AGBL1: variants seen among roughly 807,000 people sequenced by gnomAD.
AGBL1 encodes cytosolic carboxypeptidase 4.
In AGBL1, 130 loss-of-function variants were observed where a neutral mutation model predicts 118.9. The ratio of observed to expected loss-of-function variants is 1.09; its 90% CI spans 0.95 to 1.26. AGBL1 has a LOEUF of 1.26. Ranked by LOEUF, AGBL1 falls within the 50% of genes most tolerant of loss-of-function variation. AGBL1 has a pLI of 0.00. For missense variants in AGBL1, 1,584 were observed against 1,298.1 expected (o/e 1.22, Z -3.38); for synonymous variants, 555 against 478.9 (o/e 1.16, Z -2.08).
intron 17 of AGBL1, among the ~76,000 whole-genome samples, chr15:86,368,036 C>T (rs1452076837): frequency 6.6e-6 from 1 of 152,028 alleles, no homozygotes; most frequent in Admixed American, 6.6e-5. Flanking sequence ...GGTTCCCCTC[C>T]CACAAAGAAA....
intron 18 of AGBL1, among the ~76,000 whole-genome samples, chr15:86,454,074 A>G (rs1321559823): frequency 6.6e-6 from 1 of 152,006 alleles, no homozygotes; most frequent in African/African-American, 2.4e-5. Flanking sequence ...CTACGTATGG[A>G]AGACTTTGCC....
chr15:86,610,060 C>G (rs1463080102), intron 21 of AGBL1, among the ~76,000 whole-genome samples: 4 of 152,166 alleles, frequency 2.6e-5, no homozygotes, highest in Non-Finnish European at 5.9e-5. Flanking sequence ...AATGGAACAT[C>G]AAACTTTTAA....
chr15:86,839,640 A>G (rs970167088), intron 22 of AGBL1, among the ~76,000 whole-genome samples: 4 of 152,104 alleles, frequency 2.6e-5, no homozygotes, highest in African/African-American at 9.7e-5. Context: ...CTCCCCACCC[A>G]CCATCCCTTA....
At chr15:86,090,501 A>C (rs1895950976) in intron 1 of AGBL1, among the ~76,000 whole-genome samples, 1 of 152,118 alleles carries the variant, frequency 6.6e-6, no homozygotes, top group East Asian at 1.9e-4. Context: ...ACTGCTATTC[A>C]ATTTGCTTTT....
chr15:86,564,253 T>C (rs1277216577), intron 21 of AGBL1, among the ~76,000 whole-genome samples: 1 of 152,228 alleles, frequency 6.6e-6, no homozygotes, highest in African/African-American at 2.4e-5. Flanking sequence ...TGGCACGTTT[T>C]TGCAGTGGCT....
rs568957500 is a variant in AGBL1, at chr15:86,821,552, G to A, written c.3159-85535G>A. On this transcript the variant is annotated intron_variant, in intron 22 of 22. Coordinates refer to ENST00000614907, the MANE Select transcript of AGBL1 (RefSeq NM_001386094.1). ...AAAAAATATAATTGTTGAAAATAAA[G>A]CATTCATGATGACTCATTTGTGTAA... Among the ~76,000 whole-genome samples, 23 of 152,182 alleles carry A rather than the reference G, an allele frequency of 1.5e-4. No individual in the cohort carries two copies. The South Asian group carries it at 4.8e-3, about 32-fold the overall frequency.
intron 22 of AGBL1, among the ~76,000 whole-genome samples, chr15:86,889,194 C>G (rs1023642321): frequency 6.6e-6 from 1 of 151,848 alleles, no homozygotes; most frequent in Non-Finnish European, 1.5e-5. Flanking sequence ...CATTTTATCT[C>G]TGTTGTTTTG....
chr15:86,312,602 C>G (rs1321680630), intron 17 of AGBL1, among the ~76,000 whole-genome samples: 1 of 152,176 alleles, frequency 6.6e-6, no homozygotes, highest in Admixed American at 6.5e-5. Flanking sequence ...ATTGGTGTTA[C>G]CCCAGTGTCC....
At chr15:86,992,531 TG>T (rs947507728) in intron 24 of AGBL1, among the ~76,000 whole-genome samples, 4 of 152,136 alleles carry the variant, frequency 2.6e-5, no homozygotes, top group African/African-American at 9.7e-5. Flanking sequence ...AGCTATTTGC[TG>T]GAACCAGAAT....
intron 17 of AGBL1, among the ~76,000 whole-genome samples, chr15:86,370,305 T>A (rs2080953355): frequency 6.6e-6 from 1 of 150,544 alleles, no homozygotes; most frequent in South Asian, 2.1e-4. Context: ...CTATTCCTTT[T>A]TTTTTTTTTT....
chr15:86,084,206 G>C (rs752761307), intron 1 of AGBL1, among the ~76,000 whole-genome samples: 39 of 152,370 alleles, frequency 2.6e-4, no homozygotes, highest in Non-Finnish European at 5.6e-4. Flanking sequence ...CCTGGGTAGA[G>C]AAGGGATGAT....
intron 21 of AGBL1, among the ~76,000 whole-genome samples, chr15:86,633,889 T>C (rs796500194): frequency 2.3e-5 from 1 of 44,176 alleles, no homozygotes; most frequent in African/African-American, 5.0e-5. Context: ...TATATATATA[T>C]ATATAATGTA....
At chr15:87,030,850 C>T (rs762896427), downstream of AGBL1, among the ~76,000 whole-genome samples, 5 of 151,868 alleles carry the variant, frequency 3.3e-5, no homozygotes, top group African/African-American at 9.7e-5. Flanking sequence ...TTACTCTACT[C>T]GCACCAAGCC....
At chr15:86,708,643 G>A (rs1448282279) in intron 22 of AGBL1, among the ~76,000 whole-genome samples, 1 of 152,038 alleles carries the variant, frequency 6.6e-6, no homozygotes, top group Non-Finnish European at 1.5e-5. Flanking sequence ...GTGTTAATGA[G>A]GTTTTATTAT....
chr15:86,482,451 T>C (rs939787109), intron 18 of AGBL1, among the ~76,000 whole-genome samples: 4 of 152,176 alleles, frequency 2.6e-5, no homozygotes, highest in African/African-American at 9.6e-5. Context: ...GGATTAACTC[T>C]ACTTTGGATT....
intron 17 of AGBL1, among the ~76,000 whole-genome samples, chr15:86,336,219 T>C (rs967294467): frequency 2.6e-5 from 4 of 152,210 alleles, no homozygotes; most frequent in Non-Finnish European, 4.4e-5. Flanking sequence ...GCCCATTCGA[T>C]GTCTCAAACC....
At chr15:86,385,938 CCTCCT>C (rs1479161417) in intron 17 of AGBL1, among the ~76,000 whole-genome samples, 4 of 81,170 alleles carry the variant, frequency 4.9e-5, no homozygotes, top group Non-Finnish European at 9.9e-5. Context: ...CCCCTCCCCT[CCTCCT>C]CTCCTCTCCC....
At chr15:86,143,934 G>A (rs530511002) in intron 3 of AGBL1, 89 bp downstream of exon 3, 67 of 1,474,046 alleles carry the variant, frequency 4.5e-5, no homozygotes, top group Non-Finnish European at 6.0e-5. Flanking sequence ...TGGTGGAGTA[G>A]CACAGGGAGA....
chr15:86,991,604 T>A (rs1431301736), intron 24 of AGBL1, among the ~76,000 whole-genome samples: 1 of 152,162 alleles, frequency 6.6e-6, no homozygotes, highest in Non-Finnish European at 1.5e-5. Flanking sequence ...GACTCTTGAC[T>A]GAGGGACCAT....
Sources: allele counts gnomAD v4.1 joint callset (sites outside exome capture counted in the v4.1 genomes callset), GRCh38; gene constraint gnomAD v4.1.1; transcripts MANE v1.5; gene names NCBI Gene and HGNC (gene_info 2026-07-23, HGNC 2026-07-21).